The following NTM variants were observed in gnomAD, a reference collection of about 807,000 sequenced individuals.
NTM encodes neurotrimin.
A neutral mutation model predicts 42.1 loss-of-function variants in NTM; 13 were observed. The observed-to-expected ratio is 0.31, with a 90% CI of 0.20 to 0.49. The LOEUF (loss-of-function observed/expected upper bound fraction) is 0.49. Ranked by LOEUF, NTM falls within the 20% of genes least tolerant of loss-of-function variation. The probability of loss-of-function intolerance (pLI) is 0.99; values close to 1 mark genes in which losing one functional copy is unlikely to be tolerated. For synonymous variants in NTM, 187 were observed against 179.2 expected (o/e 1.04, Z -0.35); for missense variants, 373 against 452.8 (o/e 0.82, Z 1.60).
chr11:131,585,849 T>C (rs1360174998), intron 1 of NTM, among the ~76,000 whole-genome samples: 1 of 152,236 alleles, frequency 6.6e-6, no homozygotes, highest in Non-Finnish European at 1.5e-5. Flanking sequence ...GCCATGTTGA[T>C]TTGCTAGTGT....
chr11:131,832,626 TG>T (rs2042962085), intron 1 of NTM, among the ~76,000 whole-genome samples: 1 of 152,144 alleles, frequency 6.6e-6, no homozygotes, highest in Non-Finnish European at 1.5e-5. Context: ...GGTCTGGCAT[TG>T]GGGTTCTTGG....
intron 1 of NTM, among the ~76,000 whole-genome samples, chr11:131,709,361 C>T (rs2076892087): frequency 6.6e-6 from 1 of 151,916 alleles, no homozygotes; most frequent in South Asian, 2.1e-4. Flanking sequence ...CTCCAGGGGG[C>T]AAGAGTGGAA....
At chr11:131,831,248 C>T (rs1337923847) in intron 1 of NTM, among the ~76,000 whole-genome samples, 1 of 152,060 alleles carries the variant, frequency 6.6e-6, no homozygotes, top group African/African-American at 2.4e-5. Context: ...TGGAAGGCTC[C>T]TTTTCAGGTC....
intron 1 of NTM, among the ~76,000 whole-genome samples, chr11:131,409,257 G>A (rs977892402): frequency 3.3e-5 from 5 of 152,242 alleles, no homozygotes; most frequent in African/African-American, 4.8e-5. Flanking sequence ...AAGGAAGCAG[G>A]AGGGTGTATA....
rs915106526 is a variant in NTM, at chr11:131,408,637, A to G, written c.82+37749A>G. ...CAACCAGTTTGTTTTCACCTTGCAGATGAGAAAACTGGGGCTCCGAGATGG... is the reference window on the plus strand; with the variant it reads ...CAACCAGTTTGTTTTCACCTTGCAGGTGAGAAAACTGGGGCTCCGAGATGG... On this transcript the variant is annotated intron_variant, in intron 1 of 8. Coordinates refer to ENST00000683400, the MANE Select transcript of NTM (RefSeq NM_001352005.2). 3.3e-5 allele frequency among the ~76,000 whole-genome samples: 5 copies of G among 152,166 alleles called. No individual in the cohort carries two copies. In the East Asian group the frequency reaches 9.6e-4, roughly 29 times the overall value.
rs1387598018 is a variant in NTM at position 131,401,825 on chromosome 11, T to TAC, written c.82+30938_82+30939insCA. ...ATATATATATATATATATATATATA[T>TAC]ATATATATATATATATATATATATA... On this transcript the variant is annotated intron_variant, in intron 1 of 8. Coordinates refer to ENST00000683400, the MANE Select transcript of NTM (RefSeq NM_001352005.2). Among the ~76,000 whole-genome samples, 147 of 68,868 alleles carry TAC rather than the reference T, an allele frequency of 2.1e-3. 3 individuals carry two copies. The highest frequency in any genetic ancestry group is 7.6e-3 in the African/African-American group (140 of 18,336). The allele number at this position is 68,868 out of a possible 152,430, so 45.2% of individuals were successfully genotyped here. A position where few individuals can be genotyped will look rare whatever the true frequency, so the allele number is the denominator to read the frequency against.
At chr11:131,918,630 G>T (rs621789) in intron 2 of NTM, among the ~76,000 whole-genome samples, 87,432 of 151,872 alleles carry the variant, frequency 0.58, 25,855 homozygotes, top group East Asian at 0.99. Flanking sequence ...AATCCCCCTC[G>T]GTTCCATAGT....
intron 4 of NTM, among the ~76,000 whole-genome samples, chr11:132,297,951 C>A (rs775704347): frequency 4.6e-5 from 7 of 152,112 alleles, no homozygotes; most frequent in Non-Finnish European, 8.8e-5. Context: ...GATTAAGAAC[C>A]CCTGCCCTAC....
chr11:131,883,086 G>A (rs571758541), intron 1 of NTM, among the ~76,000 whole-genome samples: 41 of 152,290 alleles, frequency 2.7e-4, no homozygotes, highest in East Asian at 2.1e-3. Flanking sequence ...TCTGTGCTCC[G>A]TAGCCTCACA....
At chr11:131,610,744 G>A (rs184264921) in intron 1 of NTM, among the ~76,000 whole-genome samples, 1 of 152,180 alleles carries the variant, frequency 6.6e-6, no homozygotes, top group Non-Finnish European at 1.5e-5. Context: ...GGAGGAGGGC[G>A]TGAGTAGTAG....
chr11:132,219,637 C>A (rs888893063), intron 4 of NTM, among the ~76,000 whole-genome samples: 4 of 151,996 alleles, frequency 2.6e-5, no homozygotes, highest in East Asian at 1.9e-4. Context: ...CCTCCCCCCC[C>A]ACTGTCTTCC....
At chr11:131,465,864 A>T (rs1338597957) in intron 1 of NTM, among the ~76,000 whole-genome samples, 2 of 151,200 alleles carry the variant, frequency 1.3e-5, no homozygotes, top group Non-Finnish European at 2.9e-5. Context: ...TGTGCCCTGG[A>T]GCCGTGAGAC....
At chr11:131,444,733 C>T (rs1327167900) in intron 1 of NTM, among the ~76,000 whole-genome samples, 1 of 152,076 alleles carries the variant, frequency 6.6e-6, no homozygotes, top group African/African-American at 2.4e-5. Context: ...AGAAGAAAGC[C>T]ATGATACAGA....
In NTM at chr11:131,610,236, C is replaced by T. The variant is rs193079029; in HGVS notation, c.82+239348C>T. Among the ~76,000 whole-genome samples, 934 of 152,306 alleles carry T rather than the reference C, an allele frequency of 6.1e-3. 7 individuals carry two copies. The highest frequency in any genetic ancestry group is 8.7e-3 in the Non-Finnish European group (590 of 68,024). On this transcript the variant is annotated intron_variant, in intron 1 of 8. Transcript: ENST00000683400. ...CAAGGGCGGAGTAAATGGAGTGCCT[C>T]CTCCACAGGGCAGGATGCTGCAAGC...
chr11:131,733,502 CCTTCCTTCCTTCCTTCCTTTCTTT>C (rs2079982606), intron 1 of NTM, among the ~76,000 whole-genome samples: 1 of 148,236 alleles, frequency 6.7e-6, no homozygotes, highest in Non-Finnish European at 1.5e-5. Context: ...TTCCTTCCTT[CCTTCCTTCCTTCCTTCCTTTCTTT>C]CTTTCTTTCG....
chr11:132,096,674 C>A (rs141299986), intron 2 of NTM, among the ~76,000 whole-genome samples: 1 of 152,228 alleles, frequency 6.6e-6, no homozygotes, highest in African/African-American at 2.4e-5. Context: ...AGGCTCCGCT[C>A]GGCCAGCAGA....
intron 1 of NTM, among the ~76,000 whole-genome samples, chr11:131,409,082 A>G (rs1946105077): frequency 1.3e-5 from 2 of 152,248 alleles, no homozygotes; most frequent in Non-Finnish European, 2.9e-5. Context: ...CAGGGCCTAC[A>G]TAGGAGGAAC....
intron 2 of NTM, among the ~76,000 whole-genome samples, chr11:131,983,381 T>TC (rs1251515923): frequency 7.1e-6 from 1 of 140,810 alleles, no homozygotes; most frequent in East Asian, 2.0e-4. Context: ...TATCTTTTTT[T>TC]TTTTTTTTTT....
At chr11:131,767,150 T>G (rs556996374) in intron 1 of NTM, 1 of 980,250 alleles carries the variant, frequency 1.0e-6, no homozygotes, top group African/African-American at 1.7e-5. Flanking sequence ...GGCTCCAGAT[T>G]CCCGATTTAC....
Sources: gnomAD v4.1 joint callset for allele counts (sites outside exome capture counted in the v4.1 genomes callset) on GRCh38, gnomAD v4.1.1 for gene constraint, MANE v1.5 for transcripts, NCBI Gene and HGNC (gene_info 2026-07-23, HGNC 2026-07-21) for gene names.